Variants in STX3 observed in about 807,000 individuals in gnomAD.
STX3 encodes the protein syntaxin-3.
STX3 carries 19 observed loss-of-function variants against 40.2 expected under a neutral mutation model. The observed-to-expected ratio is 0.47, with a 90% CI of 0.33 to 0.69. The LOEUF is 0.69. Ranked by LOEUF, STX3 falls within the 30% of genes least tolerant of loss-of-function variation. The pLI is 0.02. For synonymous variants in STX3, 122 were observed against 132.2 expected (o/e 0.92, Z 0.53); for missense variants, 364 against 366.7 (o/e 0.99, Z 0.06).
chr11:59,775,587 C>T lies in STX3; in HGVS notation c.114+2293C>T, dbSNP rs138397298. ...GTTTGAGTCCACTTTTCAAGCATTTCGTAGCAGTGTAACCTTGGTCAGGTT... is the reference window on the plus strand; with the variant it reads ...GTTTGAGTCCACTTTTCAAGCATTTTGTAGCAGTGTAACCTTGGTCAGGTT... On this transcript the variant is annotated intron_variant, in intron 2 of 10. Transcript: ENST00000337979. Among the ~76,000 whole-genome samples, 489 of 152,314 alleles carry T rather than the reference C, an allele frequency of 3.2e-3. 5 individuals are homozygous for T. The highest frequency in any genetic ancestry group is 0.01 in the African/African-American group (435 of 41,556).
chr11:59,795,268 C>T, intron 8 of STX3, 104 bp from the exon 9 acceptor site: 1 of 942,258 alleles, frequency 1.1e-6, no homozygotes, highest in South Asian at 1.6e-5. Flanking sequence ...TTTGTGGATG[C>T]TCTTCTTGCC....
At chr11:59,766,821 T>C (rs1863306333) in intron 1 of STX3, among the ~76,000 whole-genome samples, 1 of 152,234 alleles carries the variant, frequency 6.6e-6, no homozygotes, top group Non-Finnish European at 1.5e-5. Flanking sequence ...AATCAGTAGC[T>C]GGGAGACCTT....
chr11:59,783,695 C>G (rs1011851856), intron 2 of STX3, among the ~76,000 whole-genome samples: 1 of 152,116 alleles, frequency 6.6e-6, no homozygotes, highest in African/African-American at 2.4e-5. Flanking sequence ...AAAAGGAAAC[C>G]ACATGTAGCT....
intron 4 of STX3, 93 bp downstream of exon 4, chr11:59,789,040 T>G (rs1864953873): frequency 9.0e-7 from 1 of 1,116,290 alleles, no homozygotes; most frequent in South Asian, 1.4e-5. Flanking sequence ...CTCCTCTTGA[T>G]GGAAGTGACA....
intron 2 of STX3, among the ~76,000 whole-genome samples, chr11:59,774,174 G>T (rs1863824581): frequency 6.6e-6 from 1 of 152,202 alleles, no homozygotes; most frequent in South Asian, 2.1e-4. Flanking sequence ...AGGAAAGCTT[G>T]TAGAGGCAGT....
At chr11:59,796,967 T>C (rs953802437) in intron 9 of STX3, among the ~76,000 whole-genome samples, 2 of 152,114 alleles carry the variant, frequency 1.3e-5, no homozygotes, top group African/African-American at 4.8e-5. Flanking sequence ...GAAAATGAGC[T>C]GAGCATGGTG....
intron 6 of STX3, 73 bp from the exon 7 acceptor site, chr11:59,793,023 CTAA>C: frequency 1.1e-5 from 17 of 1,484,182 alleles, no homozygotes; most frequent in Non-Finnish European, 1.6e-5. Flanking sequence ...AGTCACGTTC[CTAA>C]TTTTCAGGGT....
At position 59,803,096 on chromosome 11, in the gene STX3, T is replaced by A. The variant is rs532840845; in HGVS notation, c.*2272T>A. The A allele has an allele frequency of 2.0e-4, 246 of 1,228,334 alleles. No individual in the cohort carries two copies. Among genetic ancestry groups the A allele is most frequent in the Non-Finnish European group, 2.3e-4 (231 of 986,206 alleles). The allele number at this position is 1,228,334 out of a possible 1,614,324, so 76.1% of individuals were successfully genotyped here. On this transcript the variant is annotated 3_prime_UTR_variant, in exon 11 of 11. Coordinates refer to ENST00000337979, the MANE Select transcript of STX3 (RefSeq NM_004177.5). ...CCTAGAAGCCAGATCCATCTCCTTTTTCCTTCTGTTGCTCTCTTCCTTCAC... is the reference window on the plus strand; with the variant it reads ...CCTAGAAGCCAGATCCATCTCCTTTATCCTTCTGTTGCTCTCTTCCTTCAC...
At chr11:59,783,866 C>A (rs889541606) in intron 2 of STX3, among the ~76,000 whole-genome samples, 11 of 152,202 alleles carry the variant, frequency 7.2e-5, no homozygotes, top group African/African-American at 2.7e-4. Context: ...GGTGAACTGA[C>A]TAAATTGCTG....
intron 2 of STX3, among the ~76,000 whole-genome samples, chr11:59,781,898 T>A (rs531045606): frequency 6.6e-6 from 1 of 152,362 alleles, no homozygotes; most frequent in African/African-American, 2.4e-5. Flanking sequence ...ATTTGACAGT[T>A]AAAATCACAT....
Position 59,804,038 on chromosome 11 carries a change from A to C in STX3, c.*3214A>C, listed in dbSNP as rs577517226. Reference sequence around the variant, plus strand: ...AATTGGGCGGAGGACAGGGACAGGGAGTACAGATACATAGCTGATTAGGCA... The same window carrying C: ...AATTGGGCGGAGGACAGGGACAGGGCGTACAGATACATAGCTGATTAGGCA... On this transcript the variant is annotated 3_prime_UTR_variant, in exon 11 of 11. Transcript: ENST00000337979. 1 of 152,596 alleles carries C rather than the reference A, an allele frequency of 6.6e-6. No individual in the cohort carries two copies. Among genetic ancestry groups the C allele is most frequent in the African/African-American group, 2.4e-5 (1 of 41,570 alleles). 9.5% of individuals were successfully genotyped at this position (152,596 alleles called of 1,614,324 possible). A position where few individuals can be genotyped will look rare whatever the true frequency, so the allele number is the denominator to read the frequency against.
Position 59,798,549 on chromosome 11 carries a change from C to T in STX3, c.*30+1153C>T, listed in dbSNP as rs571370645. ...TTGTTGTTGTTTTTTGTTTGTTTCT[C>T]ATTCTTGTCCCCCAGGCTGGAGTGC... On this transcript the variant is annotated intron_variant, in intron 10 of 10. Transcript: ENST00000337979. Among the ~76,000 whole-genome samples the T allele has an allele frequency of 1.0e-4, 15 of 147,384 alleles. No homozygotes were observed. In the South Asian group the frequency reaches 3.3e-3, roughly 32 times the overall value.
chr11:59,774,238 A>T (rs1032341999), intron 2 of STX3, among the ~76,000 whole-genome samples: 2 of 152,072 alleles, frequency 1.3e-5, no homozygotes, highest in East Asian at 3.9e-4. Flanking sequence ...TTGGGCCCAA[A>T]TCTCAACCCT....
At position 59,802,085 on chromosome 11, in the gene STX3, C is replaced by A; in HGVS notation, c.*1261C>A. The A allele has an allele frequency of 1.0e-6, 1 of 985,382 alleles. No homozygotes were observed. Among genetic ancestry groups the A allele is most frequent in the Non-Finnish European group, 1.2e-6 (1 of 829,924 alleles). 61.0% of individuals were successfully genotyped at this position (985,382 alleles called of 1,614,324 possible). ...ATGCTAGGCTTGTCCTGAGAACATC[C>A]CTCAGTAACTTGATATTCACATGAC... On this transcript the variant is annotated 3_prime_UTR_variant, in exon 11 of 11. Transcript: ENST00000337979.
At position 59,776,543 on chromosome 11, in the gene STX3, G is replaced by A. The variant is rs553271495; in HGVS notation, c.114+3249G>A. On this transcript the variant is annotated intron_variant, in intron 2 of 10. Coordinates refer to ENST00000337979, the MANE Select transcript of STX3 (RefSeq NM_004177.5). ...CCCCCTCTATGTGACTGGTGATCAT[G>A]CCCACTACACCCTGCAGGTTATATA... is the stretch of plus-strand genomic sequence containing the variant. Among the ~76,000 whole-genome samples the A allele has an allele frequency of 1.1e-4, 16 of 152,334 alleles. No individual in the cohort carries two copies. The South Asian group carries it at 3.3e-3, about 32-fold the overall frequency.
intron 2 of STX3, among the ~76,000 whole-genome samples, chr11:59,783,561 A>G (rs918764483): frequency 6.6e-6 from 1 of 152,218 alleles, no homozygotes; most frequent in African/African-American, 2.4e-5. Flanking sequence ...TTTAGATGTC[A>G]GTATACTTAA....
chr11:59,781,085 CT>C (rs67745750), intron 2 of STX3, among the ~76,000 whole-genome samples: 2,109 of 115,922 alleles, frequency 0.018, 31 homozygotes, highest in African/African-American at 0.039. Context: ...CATTTGTTTT[CT>C]TTTTTTTTTT....
chr11:59,800,545 G>A lies in STX3; in HGVS notation c.*31-310G>A, dbSNP rs142059598. The A allele has an allele frequency of 4.0e-5, 39 of 985,366 alleles. No homozygotes were observed. In the East Asian group the frequency reaches 3.4e-3, roughly 86 times the overall value. 61.0% of individuals were successfully genotyped at this position (985,366 alleles called of 1,614,324 possible). On this transcript the variant is annotated intron_variant, in intron 10 of 10. Coordinates refer to ENST00000337979, the MANE Select transcript of STX3 (RefSeq NM_004177.5). ...GCCTGTCTTCAGGAGCGGTGTTGCTGTGGGACCTGCAGAGCAGGTGTTTTC... is the reference window on the plus strand; with the variant it reads ...GCCTGTCTTCAGGAGCGGTGTTGCTATGGGACCTGCAGAGCAGGTGTTTTC...
chr11:59,790,843 C>T (rs1048626044), intron 5 of STX3, among the ~76,000 whole-genome samples: 1 of 152,100 alleles, frequency 6.6e-6, no homozygotes, highest in Non-Finnish European at 1.5e-5. Flanking sequence ...TAGGATTTAG[C>T]GTGCCTTCTT....
Sources: gnomAD v4.1 joint callset for allele counts (sites outside exome capture counted in the v4.1 genomes callset) on GRCh38, gnomAD v4.1.1 for gene constraint, MANE v1.5 for transcripts, NCBI Gene and HGNC (gene_info 2026-07-23, HGNC 2026-07-21) for gene names.